The following ZDHHC15 variants were observed in gnomAD, a reference collection of about 807,000 sequenced individuals.
ZDHHC15 encodes zDHHC palmitoyltransferase 15, also known as palmitoyltransferase ZDHHC15.
In ZDHHC15, 19 loss-of-function variants were observed where a neutral mutation model predicts 31.7. The observed-to-expected ratio is 0.60, with a 90% CI of 0.42 to 0.88. The LOEUF (loss-of-function observed/expected upper bound fraction) is 0.88. Among genes scored for constraint, ZDHHC15 ranks in the 40% least tolerant of loss-of-function variants. ZDHHC15 has a pLI of 0.00. For missense variants in ZDHHC15, 209 were observed against 251.2 expected, an observed-to-expected ratio of 0.83 and a Z score of 1.14; for synonymous variants, 103 against 90.0, an observed-to-expected ratio of 1.14 and a Z score of -0.82.
intron 10 of ZDHHC15, among the ~76,000 whole-genome samples, chrX:75,412,872 G>C (rs2147822897): frequency 8.9e-6 from 1 of 112,129 alleles, no homozygotes; most frequent in African/African-American, 3.2e-5. Context: ...CTAAGACAAA[G>C]AGAGCCAGAG....
At chrX:75,493,503 C>A (rs986119524) in intron 2 of ZDHHC15, among the ~76,000 whole-genome samples, 1 of 111,758 alleles carries the variant, frequency 8.9e-6, no homozygotes, top group Non-Finnish European at 1.9e-5. Context: ...AGACCAATAT[C>A]CTTGATGAAC....
chrX:75,445,697 T>C (rs2084023679), intron 4 of ZDHHC15, among the ~76,000 whole-genome samples: 1 of 111,854 alleles, frequency 8.9e-6, no homozygotes, highest in Admixed American at 9.5e-5. Context: ...TCTTGTAGGG[T>C]ATCTACTGTT....
At chrX:75,490,651 T>A (rs899114731) in intron 2 of ZDHHC15, among the ~76,000 whole-genome samples, 2 of 111,541 alleles carry the variant, frequency 1.8e-5, no homozygotes, top group African/African-American at 6.5e-5. Flanking sequence ...TTTGTTTGTA[T>A]CCTCTTTTAT....
At position 75,372,246 on chromosome X, in the gene ZDHHC15, C is replaced by T. The variant is rs775527444; in HGVS notation, c.*732G>A. 8.9e-6 allele frequency: 1 copy of T among 111,931 alleles called. No homozygotes were observed. The highest frequency in any genetic ancestry group is 1.9e-5 in the Non-Finnish European group (1 of 53,150). The allele number at this position is 111,931 out of a possible 1,213,427, so 9.2% of individuals were successfully genotyped here. A position where few individuals can be genotyped will look rare whatever the true frequency, so the allele number is the denominator to read the frequency against. On this transcript the variant is annotated 3_prime_UTR_variant, in exon 12 of 12. Transcript: ENST00000373367. ...TTATTATGTTCAATAAAGTTTATGT[C>T]CTGAATTTGATCTTCTTGAGTAGCT...
At chrX:75,494,447 T>G (rs1345795742) in intron 2 of ZDHHC15, among the ~76,000 whole-genome samples, 14 of 110,871 alleles carry the variant, frequency 1.3e-4, no homozygotes, top group Middle Eastern at 9.3e-3. Context: ...AAAGTTCATA[T>G]GAAAGAAAAA....
At chrX:75,508,959 C>T (rs1424748914) in intron 1 of ZDHHC15, among the ~76,000 whole-genome samples, 2 of 111,135 alleles carry the variant, frequency 1.8e-5, no homozygotes, top group Non-Finnish European at 3.8e-5. Flanking sequence ...TGAGAAGTGT[C>T]TGTTCATATC....
chrX:75,444,292 A>G (rs2083992287), intron 4 of ZDHHC15, among the ~76,000 whole-genome samples: 1 of 109,488 alleles, frequency 9.1e-6, no homozygotes, highest in Non-Finnish European at 1.9e-5. Flanking sequence ...GCAGCCATAA[A>G]AAAGGATGAG....
In ZDHHC15 at chrX:75,431,312, G is replaced by C. The variant is rs1313599022; in HGVS notation, c.449+139C>G. ...CTTGGATCATCATCATCCGTGTGAG[G>C]GGTTTTGGCATATGCTCATTATAAT... On this transcript the variant is annotated intron_variant, in intron 5 of 11. Coordinates refer to ENST00000373367, the MANE Select transcript of ZDHHC15 (RefSeq NM_144969.3). 5 of 465,750 alleles carry C rather than the reference G, an allele frequency of 1.1e-5. No homozygotes were observed. In the Admixed American group the frequency reaches 1.4e-4, roughly 13 times the overall value. 38.4% of individuals were successfully genotyped at this position (465,750 alleles called of 1,213,427 possible).
intron 10 of ZDHHC15, among the ~76,000 whole-genome samples, chrX:75,383,994 G>A (rs994224925): frequency 1.1e-4 from 12 of 109,107 alleles, no homozygotes; most frequent in African/African-American, 3.7e-4. Context: ...TGCCCGCCTC[G>A]GCCTCCCAAA....
chrX:75,463,575 T>TACA lies in ZDHHC15; in HGVS notation c.259-12656_259-12654dup, dbSNP rs55847003. Among the ~76,000 whole-genome samples, 673 of 100,666 alleles carry TACA rather than the reference T, an allele frequency of 6.7e-3. 1 individual carries two copies. The highest frequency in any genetic ancestry group is 9.6e-3 in the South Asian group (19 of 1,988). The allele number at this position is 100,666 out of a possible 115,157, so 87.4% of individuals were successfully genotyped here. A position where few individuals can be genotyped will look rare whatever the true frequency, so the allele number is the denominator to read the frequency against. Reference sequence around the variant, plus strand: ...CCAGAATCTATAAAGAACTCAAATTTACAACAACAACAACAACAACAACAA... The same window carrying TACA: ...CCAGAATCTATAAAGAACTCAAATTTACAACAACAACAACAACAACAACAACAA... On this transcript the variant is annotated intron_variant, in intron 3 of 11. Transcript: ENST00000373367.
chrX:75,400,231 T>A (rs1012471635), intron 10 of ZDHHC15, among the ~76,000 whole-genome samples: 1 of 111,436 alleles, frequency 9.0e-6, no homozygotes, highest in Non-Finnish European at 1.9e-5. Flanking sequence ...ATAAGAATCA[T>A]AATAAAGTGA....
intron 3 of ZDHHC15, among the ~76,000 whole-genome samples, chrX:75,451,974 T>C (rs1602648346): frequency 9.0e-6 from 1 of 111,176 alleles, no homozygotes; most frequent in East Asian, 2.8e-4. Flanking sequence ...CTGCATCAAT[T>C]AATGGGCAAA....
intron 4 of ZDHHC15, among the ~76,000 whole-genome samples, chrX:75,443,854 C>A (rs1165228025): frequency 5.4e-5 from 6 of 112,089 alleles, no homozygotes; most frequent in Non-Finnish European, 1.1e-4. Flanking sequence ...GCAGCCAAGA[C>A]ACACATGAAA....
intron 10 of ZDHHC15, chrX:75,384,612 T>C: frequency 1.2e-6 from 1 of 826,095 alleles, no homozygotes; most frequent in African/African-American, 2.0e-5. Context: ...CCAAGAGAAT[T>C]AATGTGCGTA....
At chrX:75,496,416 G>A (rs1279244071) in intron 2 of ZDHHC15, among the ~76,000 whole-genome samples, 1 of 111,160 alleles carries the variant, frequency 9.0e-6, no homozygotes, top group African/African-American at 3.3e-5. Context: ...GGGGGACTTC[G>A]ATACTCAACT....
chrX:75,394,690 T>C (rs1299340245), intron 10 of ZDHHC15, among the ~76,000 whole-genome samples: 1 of 111,685 alleles, frequency 9.0e-6, no homozygotes, highest in Admixed American at 9.5e-5. Flanking sequence ...CTAAGTATAC[T>C]TACACTCAAC....
At chrX:75,460,456 T>C (rs1264847444) in intron 3 of ZDHHC15, among the ~76,000 whole-genome samples, 1 of 111,331 alleles carries the variant, frequency 9.0e-6, no homozygotes, top group Non-Finnish European at 1.9e-5. Context: ...CTTCTTTAAG[T>C]GGGTCCCTGT....
chrX:75,374,687 G>GTGTGTGTA (rs745526466), intron 11 of ZDHHC15, among the ~76,000 whole-genome samples: 3,233 of 91,597 alleles, frequency 0.035, 72 homozygotes, highest in South Asian at 0.1. Flanking sequence ...GTGTGTGTGT[G>GTGTGTGTA]TATATATATA....
chrX:75,409,312 C>A (rs1355386002), intron 10 of ZDHHC15, among the ~76,000 whole-genome samples: 1 of 108,584 alleles, frequency 9.2e-6, no homozygotes, highest in Admixed American at 9.8e-5. Flanking sequence ...GCCAACATGG[C>A]AAGACCCTGT....
Sources: allele counts gnomAD v4.1 joint callset (sites outside exome capture counted in the v4.1 genomes callset), GRCh38; gene constraint gnomAD v4.1.1; transcripts MANE v1.5; gene names NCBI Gene and HGNC (gene_info 2026-07-23, HGNC 2026-07-21).